Variants in TFDP2 observed in about 807,000 individuals in gnomAD.
TFDP2 encodes the protein transcription factor Dp-2.
A neutral mutation model predicts 59.3 loss-of-function variants in TFDP2; 17 were observed. The ratio of observed to expected loss-of-function variants is 0.29; its 90% CI spans 0.20 to 0.43. TFDP2 has a LOEUF of 0.43. TFDP2 is among the 20% of genes least tolerant of loss of function. The pLI is 1.00. For missense variants in TFDP2, 391 were observed against 528.8 expected (o/e 0.74, Z 2.56); for synonymous variants, 180 against 194.7 (o/e 0.92, Z 0.63).
rs540913168 is a variant in TFDP2, at chr3:142,141,418, G to T, written c.-93+7765C>A. 3.9e-5 allele frequency among the ~76,000 whole-genome samples: 6 copies of T among 152,344 alleles called. No individual in the cohort carries two copies. In the East Asian group the frequency reaches 1.2e-3, roughly 29 times the overall value. ...CCAATGAGATGAACCAGGTACCTCAGTTGGAAATGCAGAAATCACCCATCT... is the reference window on the plus strand; with the variant it reads ...CCAATGAGATGAACCAGGTACCTCATTTGGAAATGCAGAAATCACCCATCT... On this transcript the variant is annotated intron_variant, in intron 1 of 12. Transcript: ENST00000489671.
intron 1 of TFDP2, among the ~76,000 whole-genome samples, chr3:142,142,738 C>T (rs1037919079): frequency 1.3e-5 from 2 of 152,160 alleles, no homozygotes; most frequent in African/African-American, 4.8e-5. Context: ...CAGCATGGGA[C>T]TGGAATAAAA....
At position 141,978,699 on chromosome 3, in the gene TFDP2, T is replaced by C; in HGVS notation, c.357-17A>G. On this transcript the variant is annotated splice_polypyrimidine_tract_variant and intron_variant, in intron 6 of 12. Transcript: ENST00000489671. ...CTTCGTTTACTAGAAGGGAAAAAAG[T>C]TTTTTTTACTCCATTATACATATTA... The C allele has an allele frequency of 6.3e-7, 1 of 1,576,280 alleles. No individual in the cohort carries two copies. The highest frequency in any genetic ancestry group is 8.6e-7 in the Non-Finnish European group (1 of 1,163,172).
intron 3 of TFDP2, among the ~76,000 whole-genome samples, chr3:142,064,302 C>T (rs1385938941): frequency 6.6e-6 from 1 of 152,070 alleles, no homozygotes; most frequent in Non-Finnish European, 1.5e-5. Flanking sequence ...AACTTGTTAG[C>T]GATACCAATT....
intron 8 of TFDP2, among the ~76,000 whole-genome samples, chr3:141,973,123 A>ATATTTTTTTTTTTTTTT: frequency 6.0e-4 from 35 of 57,998 alleles, no homozygotes; most frequent in Middle Eastern, 8.3e-3. Context: ...ATATATATAT[A>ATATTTTTTTTTTTTTTT]TTTTTTTTTT....
intron 5 of TFDP2, chr3:141,994,798 G>C (rs1943108657): frequency 2.7e-6 from 1 of 365,778 alleles, no homozygotes; most frequent in Non-Finnish European, 4.8e-6. Context: ...AAAGTCACAG[G>C]GTTTAGTTAT....
chr3:142,007,826 A>C (rs1435919098), intron 3 of TFDP2, among the ~76,000 whole-genome samples: 1 of 152,110 alleles, frequency 6.6e-6, no homozygotes, highest in Admixed American at 6.6e-5. Context: ...GCCGCTGCTG[A>C]TCTGACAGGA....
At chr3:142,055,314 T>C (rs1293004768) in intron 3 of TFDP2, among the ~76,000 whole-genome samples, 2 of 152,030 alleles carry the variant, frequency 1.3e-5, no homozygotes, top group Admixed American at 6.6e-5. Flanking sequence ...GAATCTACAA[T>C]TGGTGGAATT....
intron 3 of TFDP2, among the ~76,000 whole-genome samples, chr3:142,030,795 T>A (rs1357869635): frequency 1.4e-5 from 2 of 138,442 alleles, no homozygotes; most frequent in East Asian, 4.2e-4. Flanking sequence ...CAGGCTGGAG[T>A]GCAGTGGCGC....
At chr3:142,041,315 T>C (rs759511208) in intron 3 of TFDP2, among the ~76,000 whole-genome samples, 3 of 152,256 alleles carry the variant, frequency 2.0e-5, no homozygotes, top group African/African-American at 4.8e-5. Context: ...GGTTTAGCTG[T>C]GGCCCCACCA....
intron 3 of TFDP2, among the ~76,000 whole-genome samples, chr3:142,064,966 CTAAT>C (rs1299436474): frequency 6.6e-6 from 1 of 151,992 alleles, no homozygotes; most frequent in Admixed American, 6.6e-5. Flanking sequence ...ATTGTAGTAT[CTAAT>C]TATTTAATAT....
chr3:142,074,452 C>T (rs544679506), intron 3 of TFDP2, among the ~76,000 whole-genome samples: 1 of 152,210 alleles, frequency 6.6e-6, no homozygotes, highest in Admixed American at 6.5e-5. Flanking sequence ...GTGGCTCACA[C>T]CTGCAATCCC....
At chr3:141,980,278 G>GA (rs1370196863) in intron 6 of TFDP2, among the ~76,000 whole-genome samples, 1 of 148,750 alleles carries the variant, frequency 6.7e-6, no homozygotes, top group East Asian at 2.0e-4. Flanking sequence ...AAAACAAACA[G>GA]AAAAAAGCTT....
chr3:141,969,249 C>CAT (rs58845907), intron 9 of TFDP2, among the ~76,000 whole-genome samples: 120 of 95,554 alleles, frequency 1.3e-3, no homozygotes, highest in African/African-American at 2.4e-3. Flanking sequence ...ATATATATAA[C>CAT]ATATATATAT....
At chr3:142,073,457 ACCCCCCCC>A (rs34003718) in intron 3 of TFDP2, among the ~76,000 whole-genome samples, 1 of 14,068 alleles carries the variant, frequency 7.1e-5, no homozygotes, top group African/African-American at 1.9e-4. Flanking sequence ...CAAACAAACA[ACCCCCCCC>A]CCCCCGCAAA....
intron 9 of TFDP2, 101 bp downstream of exon 9, chr3:141,969,972 C>G: frequency 8.4e-7 from 1 of 1,191,994 alleles, no homozygotes; most frequent in African/African-American, 1.5e-5. Flanking sequence ...GTGGGCTCAC[C>G]ACACACCACT....
chr3:142,012,043 C>T (rs1319182816), intron 3 of TFDP2, among the ~76,000 whole-genome samples: 3 of 142,738 alleles, frequency 2.1e-5, no homozygotes, highest in Admixed American at 7.1e-5. Context: ...GACAGAGTCT[C>T]GCTCTGTCAC....
chr3:142,107,155 A>C (rs765980656), intron 1 of TFDP2, among the ~76,000 whole-genome samples: 37 of 152,194 alleles, frequency 2.4e-4, no homozygotes, highest in Non-Finnish European at 4.0e-4. Context: ...TATTGGCATA[A>C]ATCCTTTCAG....
chr3:142,062,882 A>G (rs544778233), intron 3 of TFDP2, among the ~76,000 whole-genome samples: 3 of 152,354 alleles, frequency 2.0e-5, no homozygotes, highest in East Asian at 3.9e-4. Flanking sequence ...CAGTCACAAA[A>G]GAATAAATAC....
chr3:142,047,283 C>T (rs1576831239), intron 3 of TFDP2, among the ~76,000 whole-genome samples: 1 of 152,164 alleles, frequency 6.6e-6, no homozygotes, highest in Non-Finnish European at 1.5e-5. Flanking sequence ...CTACTCCCCT[C>T]CTTTGAGCTA....
Sources: allele counts gnomAD v4.1 joint callset (sites outside exome capture counted in the v4.1 genomes callset), GRCh38; gene constraint gnomAD v4.1.1; transcripts MANE v1.5; gene names NCBI Gene and HGNC (gene_info 2026-07-23, HGNC 2026-07-21).